The following LRIG1 variants were observed in gnomAD, a reference collection of about 807,000 sequenced individuals.
LRIG1 encodes the protein leucine-rich repeats and immunoglobulin-like domains protein 1.
LRIG1 carries 48 observed loss-of-function variants against 99.2 expected under a neutral mutation model. That is an observed-to-expected ratio of 0.48 (90% CI 0.38 to 0.62). LRIG1 has a LOEUF of 0.62. Among genes scored for constraint, LRIG1 ranks in the 20% least tolerant of loss-of-function variants. The pLI, the probability that LRIG1 is intolerant of heterozygous loss-of-function variation, is 0.00. For missense variants in LRIG1, 1,646 were observed against 1,434.4 expected (o/e 1.15, Z -2.38); for synonymous variants, 772 against 596.1 (o/e 1.29, Z -4.30).
At chr3:66,430,471 C>T (rs562138638) in intron 3 of LRIG1, among the ~76,000 whole-genome samples, 1 of 152,318 alleles carries the variant, frequency 6.6e-6, no homozygotes, top group East Asian at 1.9e-4. Flanking sequence ...AACAATCTCT[C>T]CCTCACTCAC....
intron 3 of LRIG1, among the ~76,000 whole-genome samples, chr3:66,430,032 C>T (rs1703115900): frequency 6.6e-6 from 1 of 152,088 alleles, no homozygotes; most frequent in Admixed American, 6.5e-5. Flanking sequence ...TAGCCTTAGC[C>T]CCCAGAATAA....
intron 5 of LRIG1, among the ~76,000 whole-genome samples, chr3:66,414,401 A>C (rs1233381697): frequency 6.6e-6 from 1 of 151,068 alleles, no homozygotes; most frequent in Non-Finnish European, 1.5e-5. Flanking sequence ...CGCAAAAAAA[A>C]ATAATAATAA....
rs761148766 is a variant in LRIG1 at position 66,399,035 on chromosome 3, C to G, written c.1167G>C (p.Leu389=). The G allele has an allele frequency of 1.2e-6, 2 of 1,614,002 alleles. No homozygotes were observed. The highest frequency in any genetic ancestry group is 1.7e-6 in the Non-Finnish European group (2 of 1,179,890). ...SGLDSLSKLT[L]FGNKIKSVAK... ...CCACAGACTTGATCTTGTTTCCAAA[C>G]AGAGTCCTGTAGTTTCCAAACATCC... Residue 389 remains leucine (L), a synonymous_variant, in exon 10 of 19, where the codon CTG becomes CTC. Coordinates refer to ENST00000273261, the MANE Select transcript of LRIG1 (RefSeq NM_015541.3).
chr3:66,422,703 C>A (rs924156138), intron 3 of LRIG1, among the ~76,000 whole-genome samples: 9 of 152,230 alleles, frequency 5.9e-5, no homozygotes, highest in Admixed American at 2.0e-4. Flanking sequence ...AAAGTCACTT[C>A]CACATTTTCA....
chr3:66,495,499 T>TA (rs1159479634), intron 1 of LRIG1, among the ~76,000 whole-genome samples: 1 of 152,224 alleles, frequency 6.6e-6, no homozygotes, highest in Non-Finnish European at 1.5e-5. Context: ...TCGTGAAACT[T>TA]AAAGTCCTTC....
chr3:66,384,199 A>G lies in LRIG1; in HGVS notation c.1863T>C (p.Ala621=). 1 of 1,614,174 alleles carries G rather than the reference A, an allele frequency of 6.2e-7. No homozygotes were observed. The highest frequency in any genetic ancestry group is 1.1e-5 in the South Asian group (1 of 91,082). The part of the protein sequence containing the change: ...RTTTMARLEC[A]ATGHPNPQIA... Reference sequence around the variant, plus strand: ...TCTGAGGGTTTGGGTGACCTGTGGCAGCACATTCGAGGCGGGCCATGGTGG... The same window carrying G: ...TCTGAGGGTTTGGGTGACCTGTGGCGGCACATTCGAGGCGGGCCATGGTGG... The change falls in exon 14 of 19, where the codon GCT becomes GCC. Residue 621 remains alanine, a synonymous_variant. Coordinates refer to ENST00000273261, the MANE Select transcript of LRIG1 (RefSeq NM_015541.3).
chr3:66,415,125 G>A (rs959127387), intron 4 of LRIG1, 62 bp from the exon 5 acceptor site: 35 of 1,519,358 alleles, frequency 2.3e-5, no homozygotes, highest in Non-Finnish European at 1.2e-5. Context: ...TTTCATTATA[G>A]ACACCAGACC....
At chr3:66,408,948 G>GTGTA (rs1192004558) in intron 7 of LRIG1, among the ~76,000 whole-genome samples, 3 of 130,642 alleles carry the variant, frequency 2.3e-5, no homozygotes, top group Admixed American at 2.3e-4. Flanking sequence ...GTGTGTGTGT[G>GTGTA]TGTGTGTGTG....
intron 1 of LRIG1, among the ~76,000 whole-genome samples, chr3:66,484,034 C>T (rs559243567): frequency 6.6e-6 from 1 of 152,236 alleles, no homozygotes; most frequent in African/African-American, 2.4e-5. Context: ...GGCAGGTAAA[C>T]AGCCTGTCAT....
At position 66,410,207 on chromosome 3, in the gene LRIG1, T is replaced by C. The variant is rs143102583; in HGVS notation, c.857A>G (p.His286Arg). ...SGSLYGLTAL[H>R]QLHLSNNSIA... ...GGAATTGTTGCTGAGGTGGAGCTGA[T>C]GCAGGGCCGTGAGGCCGTAGAGCGA... The change falls in exon 7 of 19, where the codon CAT becomes CGT. Residue 286 changes from histidine (H) to arginine (R), a missense_variant. His to Arg is a conservative substitution (Grantham distance 29). Transcript: ENST00000273261. 6.5e-4 allele frequency: 1,044 copies of C among 1,614,136 alleles called. 9 individuals are homozygous for C. Among genetic ancestry groups the C allele is most frequent in the South Asian group, 4.7e-3 (428 of 91,086 alleles).
At chr3:66,397,815 A>G (rs1413396835) in intron 11 of LRIG1, among the ~76,000 whole-genome samples, 1 of 152,244 alleles carries the variant, frequency 6.6e-6, no homozygotes, top group Admixed American at 6.5e-5. Flanking sequence ...AGAGGAGAGT[A>G]TATTTCACAT....
At chr3:66,456,479 G>A (rs896224199) in intron 2 of LRIG1, among the ~76,000 whole-genome samples, 1 of 151,724 alleles carries the variant, frequency 6.6e-6, no homozygotes, top group Non-Finnish European at 1.5e-5. Context: ...AGGCTGAGGT[G>A]CGAGGATCGC....
At chr3:66,456,292 T>C (rs952012878) in intron 2 of LRIG1, among the ~76,000 whole-genome samples, 7 of 152,174 alleles carry the variant, frequency 4.6e-5, no homozygotes, top group South Asian at 2.1e-4. Context: ...GCTTAAGAGA[T>C]GGCAGGAGGA....
At chr3:66,479,520 C>A (rs555459126) in intron 1 of LRIG1, among the ~76,000 whole-genome samples, 1 of 152,298 alleles carries the variant, frequency 6.6e-6, no homozygotes, top group East Asian at 1.9e-4. Context: ...GAGAAAAGCA[C>A]ACTACCAACC....
chr3:66,439,766 A>G (rs561385434), intron 3 of LRIG1, among the ~76,000 whole-genome samples: 1 of 152,328 alleles, frequency 6.6e-6, no homozygotes, highest in African/African-American at 2.4e-5. Context: ...GACCCAGATA[A>G]GGGGCAAATC....
chr3:66,446,922 T>C (rs1160629275), intron 3 of LRIG1, among the ~76,000 whole-genome samples: 1 of 143,094 alleles, frequency 7.0e-6, no homozygotes, highest in African/African-American at 2.6e-5. Context: ...GAAGTGACTG[T>C]TGAAGGAGTA....
At chr3:66,495,810 T>C (rs1701213595) in intron 1 of LRIG1, among the ~76,000 whole-genome samples, 1 of 152,204 alleles carries the variant, frequency 6.6e-6, no homozygotes, top group Non-Finnish European at 1.5e-5. Context: ...CCTGCATTCC[T>C]GTCCACCCTG....
At chr3:66,416,731 G>A (rs1264168998) in intron 4 of LRIG1, among the ~76,000 whole-genome samples, 3 of 152,186 alleles carry the variant, frequency 2.0e-5, no homozygotes, top group African/African-American at 7.2e-5. Flanking sequence ...CTGTTAGACA[G>A]GCTTCCAATG....
At chr3:66,462,656 A>AG (rs1314335681) in intron 1 of LRIG1, 147 bp from the exon 2 acceptor site, 10 of 642,580 alleles carry the variant, frequency 1.6e-5, no homozygotes, top group Non-Finnish European at 2.8e-5. Flanking sequence ...ATTGATACTG[A>AG]GATTTACAGA....
Sources: gnomAD v4.1 joint callset for allele counts (sites outside exome capture counted in the v4.1 genomes callset) on GRCh38, gnomAD v4.1.1 for gene constraint, MANE v1.5 for transcripts, NCBI Gene and HGNC (gene_info 2026-07-23, HGNC 2026-07-21) for gene names.